WWOX: variants seen among roughly 807,000 people sequenced by gnomAD.
WWOX encodes the protein WW domain containing oxidoreductase, also known as WW domain-containing oxidoreductase.
Under a neutral mutation model 46.2 loss-of-function variants are expected in WWOX, and 69 were observed. That is an observed-to-expected ratio of 1.49 (90% CI 1.23 to 1.82). WWOX has a LOEUF of 1.82. Among genes scored for constraint, WWOX ranks in the 40% most tolerant of loss-of-function variants. WWOX has a pLI of 0.00. For missense variants in WWOX, 919 were observed against 542.6 expected (o/e 1.69, Z -6.89); for synonymous variants, 359 against 202.6 (o/e 1.77, Z -6.56).
chr16:78,859,721 A>G lies in WWOX; in HGVS notation c.1057-351887A>G, dbSNP rs190196541. 3.9e-4 allele frequency among the ~76,000 whole-genome samples: 60 copies of G among 152,332 alleles called. 1 individual carries two copies. Among genetic ancestry groups the G allele is most frequent in the Middle Eastern group, 6.8e-3 (2 of 294 alleles). On this transcript the variant is annotated intron_variant, in intron 8 of 8. Coordinates refer to ENST00000566780, the MANE Select transcript of WWOX (RefSeq NM_016373.4). ...TCCATAGCCTTCTGGGTTAGAGGATATAACAGCTGGCAAACAGAACACTAA... is the reference window on the plus strand; with the variant it reads ...TCCATAGCCTTCTGGGTTAGAGGATGTAACAGCTGGCAAACAGAACACTAA...
Position 78,893,685 on chromosome 16 carries a change from C to T in WWOX, c.1057-317923C>T, listed in dbSNP as rs186697366. Reference sequence around the variant, plus strand: ...TTTGTCTGAGGTTCCCTGGTATTTTCCAGGGGCCCTTCTAGCACTTCTGTG... The same window carrying T: ...TTTGTCTGAGGTTCCCTGGTATTTTTCAGGGGCCCTTCTAGCACTTCTGTG... On this transcript the variant is annotated intron_variant, in intron 8 of 8. Coordinates refer to ENST00000566780, the MANE Select transcript of WWOX (RefSeq NM_016373.4). Among the ~76,000 whole-genome samples, 42 of 152,258 alleles carry T rather than the reference C, an allele frequency of 2.8e-4. No homozygotes were observed. The East Asian group carries it at 7.7e-3, about 28-fold the overall frequency.
chr16:78,823,660 C>G (rs779406706), intron 8 of WWOX, among the ~76,000 whole-genome samples: 1 of 152,082 alleles, frequency 6.6e-6, no homozygotes, highest in Non-Finnish European at 1.5e-5. Flanking sequence ...AAAGTATACA[C>G]GTATCTGTGC....
At chr16:78,520,461 T>C (rs1321518934) in intron 8 of WWOX, among the ~76,000 whole-genome samples, 1 of 152,202 alleles carries the variant, frequency 6.6e-6, no homozygotes, top group Non-Finnish European at 1.5e-5. Flanking sequence ...ACACATATTT[T>C]GCAGACAAGT....
intron 8 of WWOX, among the ~76,000 whole-genome samples, chr16:78,563,870 G>C (rs369011260): frequency 1.4e-5 from 2 of 143,638 alleles, no homozygotes; most frequent in East Asian, 2.1e-4. Flanking sequence ...GGTGAAGTTC[G>C]TTTGTCCACT....
At chr16:78,959,945 C>G (rs557780888) in intron 8 of WWOX, among the ~76,000 whole-genome samples, 43 of 152,134 alleles carry the variant, frequency 2.8e-4, no homozygotes, top group Non-Finnish European at 4.9e-4. Flanking sequence ...CATTTGCAAC[C>G]AAGGTTGAGA....
chr16:78,875,497 G>T (rs908778276), intron 8 of WWOX, among the ~76,000 whole-genome samples: 7 of 152,156 alleles, frequency 4.6e-5, no homozygotes. Context: ...TTAAGTGGAG[G>T]ACAGTGTTTT....
chr16:79,055,620 A>G (rs112467202), intron 8 of WWOX, among the ~76,000 whole-genome samples: 1 of 152,326 alleles, frequency 6.6e-6, no homozygotes, highest in Non-Finnish European at 1.5e-5. Context: ...TGGGCAGAAT[A>G]AACAATTGCT....
At chr16:78,470,087 C>G (rs1459063500) in intron 8 of WWOX, among the ~76,000 whole-genome samples, 1 of 152,242 alleles carries the variant, frequency 6.6e-6, no homozygotes, top group Non-Finnish European at 1.5e-5. Context: ...GCAGGCTGCT[C>G]TCTTCCAAGT....
At chr16:78,231,761 G>T (rs1282589676) in intron 5 of WWOX, among the ~76,000 whole-genome samples, 1 of 152,192 alleles carries the variant, frequency 6.6e-6, no homozygotes, top group South Asian at 2.1e-4. Context: ...CTGATTCAGA[G>T]AAATCCAGGG....
At chr16:78,781,195 C>T (rs1025635351) in intron 8 of WWOX, among the ~76,000 whole-genome samples, 1 of 152,160 alleles carries the variant, frequency 6.6e-6, no homozygotes, top group South Asian at 2.1e-4. Flanking sequence ...TGTTGTGACC[C>T]CTGGCTTGTT....
Position 78,874,794 on chromosome 16 carries a change from T to G in WWOX, c.1057-336814T>G, listed in dbSNP as rs3521. ...CAAGCATAACCTCCTACACAGGCCT[T>G]CTACATAGGAGTATATTTGGCCAAG... On this transcript the variant is annotated intron_variant, in intron 8 of 8. Transcript: ENST00000566780. Among the ~76,000 whole-genome samples, 1,079 of 147,928 alleles carry G rather than the reference T, an allele frequency of 7.3e-3. 3 individuals carry two copies. The highest frequency in any genetic ancestry group is 0.012 in the Non-Finnish European group (815 of 67,396).
intron 8 of WWOX, among the ~76,000 whole-genome samples, chr16:78,920,770 C>G (rs1404158553): frequency 6.6e-6 from 1 of 152,180 alleles, no homozygotes; most frequent in Non-Finnish European, 1.5e-5. Context: ...CACGACTTTT[C>G]TCTTCTTATT....
intron 6 of WWOX, among the ~76,000 whole-genome samples, chr16:78,417,562 C>G (rs1416821435): frequency 1.3e-5 from 2 of 152,198 alleles, no homozygotes; most frequent in Non-Finnish European, 2.9e-5. Context: ...CAAAATATTT[C>G]AGATGCAACC....
At chr16:78,720,557 C>G (rs961617768) in intron 8 of WWOX, among the ~76,000 whole-genome samples, 8 of 150,582 alleles carry the variant, frequency 5.3e-5, no homozygotes, top group African/African-American at 2.0e-4. Flanking sequence ...CATAATGTGT[C>G]TGTGAGAGAC....
At chr16:79,010,691 G>C (rs964504974) in intron 8 of WWOX, among the ~76,000 whole-genome samples, 2 of 152,160 alleles carry the variant, frequency 1.3e-5, no homozygotes, top group Non-Finnish European at 2.9e-5. Flanking sequence ...GTCAAGGAAG[G>C]CTTCCAGGCA....
intron 8 of WWOX, among the ~76,000 whole-genome samples, chr16:78,822,617 C>T (rs2051534116): frequency 6.6e-6 from 1 of 152,082 alleles, no homozygotes. Flanking sequence ...CACTAGAACC[C>T]AGTGGTCACG....
intron 8 of WWOX, among the ~76,000 whole-genome samples, chr16:78,663,858 A>G (rs2142180005): frequency 6.6e-6 from 1 of 152,294 alleles, no homozygotes; most frequent in South Asian, 2.1e-4. Flanking sequence ...TGGGGTGGAA[A>G]CACACTCGAT....
chr16:78,771,787 A>AT (rs2050071104), intron 8 of WWOX, among the ~76,000 whole-genome samples: 1 of 150,700 alleles, frequency 6.6e-6, no homozygotes, highest in Non-Finnish European at 1.5e-5. Context: ...AAATAAATAA[A>AT]TAAATAAATA....
chr16:78,700,692 G>A (rs12447115), intron 8 of WWOX, among the ~76,000 whole-genome samples: 51,336 of 152,012 alleles, frequency 0.34, 9,734 homozygotes, highest in South Asian at 0.48. Context: ...TCCTGGGCCT[G>A]CAGTGAGCCT....
Sources: gnomAD v4.1 joint callset for allele counts (sites outside exome capture counted in the v4.1 genomes callset) on GRCh38, gnomAD v4.1.1 for gene constraint, MANE v1.5 for transcripts, NCBI Gene and HGNC (gene_info 2026-07-23, HGNC 2026-07-21) for gene names.